SUGCT: variants seen among roughly 807,000 people sequenced by gnomAD.
SUGCT encodes the protein succinyl-CoA:glutarate CoA-transferase.
A neutral mutation model predicts 55.0 loss-of-function variants in SUGCT; 41 were observed. The observed-to-expected ratio is 0.74, with a 90% CI of 0.58 to 0.97. SUGCT has a LOEUF of 0.97. Ranked by LOEUF, SUGCT falls within the 50% of genes least tolerant of loss-of-function variation. The pLI is 0.00. For synonymous variants in SUGCT, 187 were observed against 200.4 expected (o/e 0.93, Z 0.56); for missense variants, 568 against 547.8 (o/e 1.04, Z -0.37).
At chr7:40,968,701 G>A in the SUGCT span, among the ~76,000 whole-genome samples, 4 of 152,140 alleles carry the variant, frequency 2.6e-5, no homozygotes, top group Admixed American at 1.3e-4. Flanking sequence ...GAAAGGATAC[G>A]GGGCTTAATG....
Position 40,763,890 on chromosome 7 carries a change from G to A in SUGCT, c.1153+14393G>A, listed in dbSNP as rs188878477. 3.3e-5 allele frequency among the ~76,000 whole-genome samples: 5 copies of A among 152,280 alleles called. No homozygotes were observed. The East Asian group carries it at 9.7e-4, about 29-fold the overall frequency. On this transcript the variant is annotated intron_variant, in intron 13 of 13. Transcript: ENST00000335693. ...GTTGGTGGCATTGTGGAATGTCCCA[G>A]GAAGGGGGGAATGGGGCCAATTAGA...
chr7:40,969,837 G>A, the SUGCT span, among the ~76,000 whole-genome samples: 1 of 152,170 alleles, frequency 6.6e-6, no homozygotes, highest in Non-Finnish European at 1.5e-5. Flanking sequence ...TACAGAAAAG[G>A]TTTAAAGTAT....
chr7:40,977,935 C>T, the SUGCT span, among the ~76,000 whole-genome samples: 8 of 152,134 alleles, frequency 5.3e-5, no homozygotes, highest in Non-Finnish European at 1.2e-4. Context: ...CCTGATGAAC[C>T]TGCCACTTGA....
chr7:40,891,772 G>A, the SUGCT span, among the ~76,000 whole-genome samples: 111 of 152,246 alleles, frequency 7.3e-4, 1 homozygote, highest in Middle Eastern at 0.01. Context: ...CACTTTGGGA[G>A]GCCGAGGCAG....
intron 13 of SUGCT, among the ~76,000 whole-genome samples, chr7:40,840,572 A>G (rs1259801156): frequency 6.6e-6 from 1 of 152,172 alleles, no homozygotes; most frequent in Non-Finnish European, 1.5e-5. Flanking sequence ...CTGTGAGGAA[A>G]ATTTATAGCA....
At chr7:40,516,717 C>G (rs2151564802) in intron 12 of SUGCT, among the ~76,000 whole-genome samples, 1 of 152,204 alleles carries the variant, frequency 6.6e-6, no homozygotes, top group South Asian at 2.1e-4. Flanking sequence ...ACCACTCTGT[C>G]TTGATTACTG....
At chr7:40,931,405 C>T in the SUGCT span, among the ~76,000 whole-genome samples, 3 of 151,952 alleles carry the variant, frequency 2.0e-5, no homozygotes, top group South Asian at 2.1e-4. Flanking sequence ...TATCTCTGCC[C>T]GGCTTTGGTA....
At chr7:40,695,559 A>T (rs1562950821) in intron 12 of SUGCT, among the ~76,000 whole-genome samples, 1 of 152,168 alleles carries the variant, frequency 6.6e-6, no homozygotes, top group Non-Finnish European at 1.5e-5. Flanking sequence ...CTAGAAATAT[A>T]TTGTAATTTT....
the SUGCT span, among the ~76,000 whole-genome samples, chr7:41,000,271 C>T: frequency 6.6e-6 from 1 of 152,194 alleles, no homozygotes; most frequent in South Asian, 2.1e-4. Flanking sequence ...CACATGCACA[C>T]ACACACGCAC....
the SUGCT span, among the ~76,000 whole-genome samples, chr7:41,010,761 G>C: frequency 6.6e-6 from 1 of 151,924 alleles, no homozygotes; most frequent in African/African-American, 2.4e-5. Context: ...CACCCATTTT[G>C]GACCCATTAA....
the SUGCT span, among the ~76,000 whole-genome samples, chr7:40,999,791 T>C: frequency 6.6e-6 from 1 of 152,094 alleles, no homozygotes; most frequent in African/African-American, 2.4e-5. Context: ...TCATCCTTCC[T>C]CCATTAAAAA....
rs2128809838 is a variant in SUGCT at position 40,860,466 on chromosome 7, A to G, written c.1304A>G (p.His435Arg). The G allele has an allele frequency of 3.7e-6, 6 of 1,610,896 alleles. No individual in the cohort carries two copies. Among genetic ancestry groups the G allele is most frequent in the Non-Finnish European group, 4.2e-6 (5 of 1,177,536 alleles). ...ELLSAGVVDQ[H>R]ETH ...CTCAGCGCTGGAGTGGTGGACCAACATGAAACTCACTGACAAAGGAAAAGG... is the reference window on the plus strand; with the variant it reads ...CTCAGCGCTGGAGTGGTGGACCAACGTGAAACTCACTGACAAAGGAAAAGG... The change falls in exon 14 of 14, where the codon CAT becomes CGT. Residue 435 changes from histidine to arginine, a missense_variant. Physicochemically the swap from His to Arg is conservative, Grantham distance 29. Coordinates refer to ENST00000335693, the MANE Select transcript of SUGCT (RefSeq NM_001193313.2).
At chr7:40,529,304 A>G (rs1198744122) in intron 12 of SUGCT, among the ~76,000 whole-genome samples, 1 of 152,200 alleles carries the variant, frequency 6.6e-6, no homozygotes, top group Non-Finnish European at 1.5e-5. Context: ...GGAGAGGCTA[A>G]GGTTACCTTG....
chr7:40,939,018 T>G, the SUGCT span, among the ~76,000 whole-genome samples: 1 of 152,222 alleles, frequency 6.6e-6, no homozygotes, highest in Non-Finnish European at 1.5e-5. Flanking sequence ...TGACTTCTTT[T>G]CCTTTGGATA....
At chr7:40,718,464 C>G (rs1786143976) in intron 12 of SUGCT, among the ~76,000 whole-genome samples, 1 of 152,166 alleles carries the variant, frequency 6.6e-6, no homozygotes, top group African/African-American at 2.4e-5. Flanking sequence ...AGGGCAGTAA[C>G]TTGAGGCTGA....
chr7:40,459,402 T>C (rs1005000831), intron 11 of SUGCT, among the ~76,000 whole-genome samples: 3 of 152,248 alleles, frequency 2.0e-5, no homozygotes, highest in African/African-American at 7.2e-5. Flanking sequence ...TTTTATGTTT[T>C]GTTAAGTACT....
chr7:40,898,095 C>T, the SUGCT span, among the ~76,000 whole-genome samples: 5 of 152,256 alleles, frequency 3.3e-5, no homozygotes, highest in African/African-American at 1.2e-4. Context: ...AGCTGTAACA[C>T]TCACCCAGAA....
chr7:40,316,953 C>CTGTTTTTTTT, intron 9 of SUGCT, 98 bp downstream of exon 9: 1 of 183,582 alleles, frequency 5.4e-6, no homozygotes, highest in East Asian at 7.4e-5. Context: ...AATCCTTCAG[C>CTGTTTTTTTT]TGTTTTTTTT....
chr7:40,335,183 G>A (rs991658578), intron 9 of SUGCT, among the ~76,000 whole-genome samples: 1 of 152,198 alleles, frequency 6.6e-6, no homozygotes, highest in African/African-American at 2.4e-5. Context: ...AAGTCAGGTA[G>A]CATGATGCCT....
Sources: allele counts gnomAD v4.1 joint callset (sites outside exome capture counted in the v4.1 genomes callset), GRCh38; gene constraint gnomAD v4.1.1; transcripts MANE v1.5; gene names NCBI Gene and HGNC (gene_info 2026-07-23, HGNC 2026-07-21).